Variants in SLC25A28 observed in about 807,000 individuals in gnomAD.
SLC25A28 encodes the protein solute carrier family 25 member 28, also known as mitoferrin-2.
In SLC25A28, 10 loss-of-function variants were observed where a neutral mutation model predicts 31.9. The ratio of observed to expected loss-of-function variants is 0.31; its 90% CI spans 0.19 to 0.53. The LOEUF (loss-of-function observed/expected upper bound fraction) is 0.53, where lower values mean the gene tolerates loss of function less well. Among genes scored for constraint, SLC25A28 ranks in the 20% least tolerant of loss-of-function variants. The pLI, the probability that SLC25A28 is intolerant of heterozygous loss-of-function variation, is 0.95. For synonymous variants in SLC25A28, 208 were observed against 203.6 expected, an observed-to-expected ratio of 1.02 and a Z score of -0.19; for missense variants, 256 against 490.3, an observed-to-expected ratio of 0.52 and a Z score of 4.51.
chr10:99,618,406 C>T, intron 1 of SLC25A28: 1 of 985,416 alleles, frequency 1.0e-6, no homozygotes, highest in Non-Finnish European at 1.2e-6. Context: ...TCCAGAAAAA[C>T]AGCATCCTAA....
At chr10:99,634,073 G>T in the SLC25A28 span, among the ~76,000 whole-genome samples, 1 of 152,212 alleles carries the variant, frequency 6.6e-6, no homozygotes, top group African/African-American at 2.4e-5. Flanking sequence ...TTGGCTCACA[G>T]AAAGCCAGAT....
chr10:99,649,019 C>A, the SLC25A28 span, among the ~76,000 whole-genome samples: 1 of 152,208 alleles, frequency 6.6e-6, no homozygotes, highest in African/African-American at 2.4e-5. Flanking sequence ...TGAAAGTGGG[C>A]ATCCTTGTAT....
chr10:99,648,007 A>ATTT, the SLC25A28 span, among the ~76,000 whole-genome samples: 10 of 143,432 alleles, frequency 7.0e-5, no homozygotes, highest in African/African-American at 2.3e-4. Flanking sequence ...TATTCCATTG[A>ATTT]TTTTTTTTTT....
At chr10:99,616,514 T>C in intron 1 of SLC25A28, 5 of 985,156 alleles carry the variant, frequency 5.1e-6, no homozygotes, top group Non-Finnish European at 4.8e-6. Flanking sequence ...CCTGTATAAG[T>C]CATTTCACAA....
At chr10:99,623,783 G>A (rs932245482), upstream of SLC25A28, among the ~76,000 whole-genome samples, 1 of 152,224 alleles carries the variant, frequency 6.6e-6, no homozygotes, top group African/African-American at 2.4e-5. Flanking sequence ...GACTCTGTCA[G>A]CCTGGGGCCC....
intron 1 of SLC25A28, chr10:99,617,491 TG>T: frequency 2.2e-6 from 2 of 925,432 alleles, no homozygotes; most frequent in Non-Finnish European, 2.5e-6. Flanking sequence ...TCTTAAAGAC[TG>T]GGCTGCTTTT....
At chr10:99,627,086 C>T in the SLC25A28 span, among the ~76,000 whole-genome samples, 1 of 151,906 alleles carries the variant, frequency 6.6e-6, no homozygotes, top group Non-Finnish European at 1.5e-5. Flanking sequence ...ACTAAAAATG[C>T]AAAAATTAGC....
intron 1 of SLC25A28, chr10:99,618,722 G>A (rs2034714260): frequency 1.0e-6 from 1 of 985,202 alleles, no homozygotes; most frequent in East Asian, 1.1e-4. Flanking sequence ...GTTACCTTGT[G>A]TTAAAATACT....
chr10:99,635,620 G>C, the SLC25A28 span, among the ~76,000 whole-genome samples: 1 of 151,550 alleles, frequency 6.6e-6, no homozygotes, highest in East Asian at 1.9e-4. Flanking sequence ...GGAGGTTGCA[G>C]TGAGCAGAGA....
At chr10:99,637,113 C>G in the SLC25A28 span, among the ~76,000 whole-genome samples, 1 of 152,050 alleles carries the variant, frequency 6.6e-6, no homozygotes, top group Non-Finnish European at 1.5e-5. Flanking sequence ...GGTTTCATAC[C>G]AGGGATGCAG....
the SLC25A28 span, among the ~76,000 whole-genome samples, chr10:99,650,561 TGGGACCAGAGA>T: frequency 6.6e-6 from 1 of 152,022 alleles, no homozygotes; most frequent in Admixed American, 6.6e-5. Flanking sequence ...GCCTTGGGCC[TGGGACCAGAGA>T]GGGTAGGGCA....
chr10:99,620,739 T>G, upstream of SLC25A28: 2 of 985,552 alleles, frequency 2.0e-6, no homozygotes, highest in Non-Finnish European at 2.4e-6. Flanking sequence ...GCTCAACCAC[T>G]CTTGATACTT....
intron 1 of SLC25A28, chr10:99,615,329 C>G: frequency 5.6e-6 from 5 of 896,894 alleles, no homozygotes; most frequent in Non-Finnish European, 6.6e-6. Context: ...GCACGGCAGC[C>G]TGGGCAACAA....
At chr10:99,655,787 G>A in the SLC25A28 span, among the ~76,000 whole-genome samples, 2 of 152,150 alleles carry the variant, frequency 1.3e-5, no homozygotes, top group African/African-American at 4.8e-5. Context: ...GGCCCACCAT[G>A]ATTGACTTAG....
chr10:99,616,490 T>C (rs1217218191), intron 1 of SLC25A28: 1 of 984,706 alleles, frequency 1.0e-6, no homozygotes, highest in Non-Finnish European at 1.2e-6. Flanking sequence ...TTACAGATCA[T>C]GGTAGCATTG....
intron 2 of SLC25A28, among the ~76,000 whole-genome samples, chr10:99,612,886 C>A (rs548150723): frequency 3.0e-4 from 46 of 152,250 alleles, no homozygotes; most frequent in Middle Eastern, 3.4e-3. Context: ...CAGCTCACAC[C>A]CCAGACAGGA....
upstream of SLC25A28, among the ~76,000 whole-genome samples, chr10:99,625,025 T>C (rs1435276794): frequency 6.6e-6 from 1 of 151,632 alleles, no homozygotes; most frequent in Non-Finnish European, 1.5e-5. Flanking sequence ...TCGCGGTGAG[T>C]GTTACAGTTC....
the SLC25A28 span, among the ~76,000 whole-genome samples, chr10:99,653,496 G>C: frequency 6.6e-6 from 1 of 152,168 alleles, no homozygotes; most frequent in African/African-American, 2.4e-5. Context: ...CCAAACTCCT[G>C]ACCCACAGAA....
chr10:99,641,909 C>G, the SLC25A28 span, among the ~76,000 whole-genome samples: 4 of 152,110 alleles, frequency 2.6e-5, no homozygotes, highest in Admixed American at 2.6e-4. Context: ...GGGCTCTGTT[C>G]TGTTCCATTA....
Sources: allele counts gnomAD v4.1 joint callset (sites outside exome capture counted in the v4.1 genomes callset), GRCh38; gene constraint gnomAD v4.1.1; transcripts MANE v1.5; gene names NCBI Gene and HGNC (gene_info 2026-07-23, HGNC 2026-07-21).